Variants in NAALADL2 observed in about 807,000 individuals in gnomAD.
NAALADL2 encodes the protein N-acetylated alpha-linked acidic dipeptidase like 2, also known as inactive N-acetylated-alpha-linked acidic dipeptidase-like protein 2.
Under a neutral mutation model 87.2 loss-of-function variants are expected in NAALADL2, and 76 were observed. The observed-to-expected ratio is 0.87, with a 90% CI of 0.72 to 1.05. The LOEUF (loss-of-function observed/expected upper bound fraction) is 1.05. Among genes scored for constraint, NAALADL2 ranks in the 50% least tolerant of loss-of-function variants. NAALADL2 has a pLI of 0.00. For missense variants in NAALADL2, 1,089 were observed against 945.8 expected (o/e 1.15, Z -1.99); for synonymous variants, 354 against 331.0 (o/e 1.07, Z -0.75).
chr3:175,791,920 AAAAC>A (rs1752833560), intron 13 of NAALADL2, among the ~76,000 whole-genome samples: 1 of 151,550 alleles, frequency 6.6e-6, no homozygotes, highest in Non-Finnish European at 1.5e-5. Flanking sequence ...GCAAAAAAAA[AAAAC>A]AACCCTGATA....
At chr3:175,347,630 C>A (rs948790237) in intron 5 of NAALADL2, among the ~76,000 whole-genome samples, 1 of 152,128 alleles carries the variant, frequency 6.6e-6, no homozygotes, top group Non-Finnish European at 1.5e-5. Context: ...CATGTGATTT[C>A]TTGGTCATGG....
In NAALADL2 at chr3:175,650,127, A is replaced by G. The variant is rs560319976; in HGVS notation, c.1896+22741A>G. 6.3e-4 allele frequency among the ~76,000 whole-genome samples: 95 copies of G among 151,782 alleles called. 1 individual carries two copies. Among genetic ancestry groups the G allele is most frequent in the African/African-American group, 2.1e-3 (89 of 41,440 alleles). ...TAGATAAATAAAATGTGACATATCCATGCAAATAATAAAAAGAATAAAATA... is the reference window on the plus strand; with the variant it reads ...TAGATAAATAAAATGTGACATATCCGTGCAAATAATAAAAAGAATAAAATA... On this transcript the variant is annotated intron_variant, in intron 11 of 13. Coordinates refer to ENST00000454872, the MANE Select transcript of NAALADL2 (RefSeq NM_207015.3).
intron 1 of NAALADL2, among the ~76,000 whole-genome samples, chr3:174,884,077 A>T (rs529070082): frequency 6.6e-6 from 1 of 152,134 alleles, no homozygotes; most frequent in African/African-American, 2.4e-5. Flanking sequence ...TTCCAATTCA[A>T]TGGAATCATC....
intron 2 of NAALADL2, among the ~76,000 whole-genome samples, chr3:175,194,540 C>T (rs1017282356): frequency 2.1e-4 from 32 of 151,860 alleles, no homozygotes; most frequent in African/African-American, 7.7e-4. Context: ...GTAAGAAAAA[C>T]CCAAGTGAAA....
chr3:175,739,854 AATATC>A (rs1745000815), intron 12 of NAALADL2, among the ~76,000 whole-genome samples: 1 of 152,236 alleles, frequency 6.6e-6, no homozygotes, highest in African/African-American at 2.4e-5. Flanking sequence ...TGCTCAAACT[AATATC>A]AATCACTAAA....
In NAALADL2 at chr3:174,831,373, T is replaced by C. The variant is rs1722669813; in HGVS notation, c.-9+93627T>C. Among the ~76,000 whole-genome samples the C allele has an allele frequency of 1.4e-5, 2 of 145,720 alleles. 1 individual carries two copies. Among genetic ancestry groups the C allele is most frequent in the African/African-American group, 5.3e-5 (2 of 37,922 alleles). On this transcript the variant is annotated intron_variant, in intron 3 of 3. Coordinates refer to the NAALADL2 transcript ENST00000434257. ...TGCATCTATTGAGAAAATCATGTGG[T>C]TTTTGTCTTTGGTTCTGTTTATACG...
chr3:174,503,600 A>G (rs1341841354), intron 1 of NAALADL2, among the ~76,000 whole-genome samples: 1 of 152,140 alleles, frequency 6.6e-6, no homozygotes, highest in Non-Finnish European at 1.5e-5. Context: ...TGACTACTTA[A>G]GACTAAAATA....
chr3:175,291,751 T>C (rs1755665403), intron 4 of NAALADL2, among the ~76,000 whole-genome samples: 1 of 152,118 alleles, frequency 6.6e-6, no homozygotes, highest in African/African-American at 2.4e-5. Flanking sequence ...TGCAATGATG[T>C]AGTGAAGAGA....
chr3:175,385,388 C>G (rs990376445), intron 5 of NAALADL2, among the ~76,000 whole-genome samples: 4 of 151,922 alleles, frequency 2.6e-5, no homozygotes, highest in Admixed American at 1.3e-4. Flanking sequence ...TAGTTTGTCT[C>G]GTTTGCAATA....
chr3:175,235,947 G>T (rs1003027824), intron 3 of NAALADL2: 1 of 152,156 alleles, frequency 6.6e-6, no homozygotes, highest in Non-Finnish European at 1.5e-5. Flanking sequence ...ATTTAAATAA[G>T]TTCCTTAGAT....
chr3:174,455,464 T>C (rs1715773121), intron 1 of NAALADL2, among the ~76,000 whole-genome samples: 1 of 152,108 alleles, frequency 6.6e-6, no homozygotes, highest in African/African-American at 2.4e-5. Flanking sequence ...TGCACATCAA[T>C]GCAAAAATCC....
intron 1 of NAALADL2, among the ~76,000 whole-genome samples, chr3:175,048,390 C>A (rs9856946): frequency 6.6e-6 from 1 of 152,014 alleles, no homozygotes; most frequent in South Asian, 2.1e-4. Context: ...CCCCAAAGCC[C>A]TTTTTCTTGT....
intron 2 of NAALADL2, among the ~76,000 whole-genome samples, chr3:174,565,815 C>A (rs1047588916): frequency 2.0e-5 from 3 of 151,958 alleles, no homozygotes; most frequent in Middle Eastern, 3.2e-3. Context: ...TCTGTTAATT[C>A]ACATCCTCAG....
chr3:174,919,015 C>G lies in NAALADL2; in HGVS notation c.43+59565C>G, dbSNP rs554423057. Among the ~76,000 whole-genome samples the G allele has an allele frequency of 4.3e-4, 65 of 151,468 alleles. 1 individual carries two copies. Among genetic ancestry groups the G allele is most frequent in the Non-Finnish European group, 8.4e-4 (57 of 67,842 alleles). On this transcript the variant is annotated intron_variant, in intron 1 of 13. Coordinates refer to ENST00000454872, the MANE Select transcript of NAALADL2 (RefSeq NM_207015.3). Reference sequence around the variant, plus strand: ...ATGTTATGATTACAATCTACTACAGCCTATTAGGGTACAATATCATTGTGT... The same window carrying G: ...ATGTTATGATTACAATCTACTACAGGCTATTAGGGTACAATATCATTGTGT...
chr3:174,567,102 A>G (rs1034020473), intron 2 of NAALADL2, among the ~76,000 whole-genome samples: 1 of 151,728 alleles, frequency 6.6e-6, no homozygotes, highest in Non-Finnish European at 1.5e-5. Flanking sequence ...GAAATAATCC[A>G]TATCAGGGAG....
At chr3:174,897,069 A>G in intron 1 of NAALADL2, among the ~76,000 whole-genome samples, 1 of 152,222 alleles carries the variant, frequency 6.6e-6, no homozygotes, top group South Asian at 2.1e-4. Flanking sequence ...AACTACTACA[A>G]GAAAACATTG....
At chr3:175,083,732 G>A (rs975100965) in intron 1 of NAALADL2, among the ~76,000 whole-genome samples, 5 of 152,000 alleles carry the variant, frequency 3.3e-5, no homozygotes, top group African/African-American at 1.2e-4. Context: ...TGTAGATGAG[G>A]TATTACTATC....
chr3:175,312,166 C>A lies in NAALADL2; in HGVS notation c.940-12009C>A, dbSNP rs552423412. 2.0e-5 allele frequency among the ~76,000 whole-genome samples: 3 copies of A among 152,088 alleles called. No homozygotes were observed. In the South Asian group the frequency reaches 6.2e-4, roughly 32 times the overall value. ...GATGGCAAACCTATTAATAGAAAAA[C>A]CATCTGAAAAAGAAAGGATAACGTA... is the stretch of plus-strand genomic sequence containing the variant. On this transcript the variant is annotated intron_variant, in intron 4 of 13. Transcript: ENST00000454872.
At chr3:174,908,036 T>C (rs1733191009) in intron 1 of NAALADL2, among the ~76,000 whole-genome samples, 1 of 149,812 alleles carries the variant, frequency 6.7e-6, no homozygotes. Context: ...TTTTTTTTTT[T>C]TTTTTTTTGG....
Sources: allele counts gnomAD v4.1 joint callset (sites outside exome capture counted in the v4.1 genomes callset), GRCh38; gene constraint gnomAD v4.1.1; transcripts MANE v1.5; gene names NCBI Gene and HGNC (gene_info 2026-07-23, HGNC 2026-07-21).